The following ADAMTS2 variants were observed in gnomAD, a reference collection of about 807,000 sequenced individuals.
ADAMTS2 encodes A disintegrin and metalloproteinase with thrombospondin motifs 2.
Under a neutral mutation model 123.0 loss-of-function variants are expected in ADAMTS2, and 50 were observed. That is an observed-to-expected ratio of 0.41 (90% CI 0.32 to 0.51). The LOEUF is 0.51. Among genes scored for constraint, ADAMTS2 ranks in the 20% least tolerant of loss-of-function variants. The pLI is 0.35. For missense variants in ADAMTS2, 1,494 were observed against 1,705.2 expected (o/e 0.88, Z 2.18); for synonymous variants, 678 against 695.4 (o/e 0.98, Z 0.39).
At chr5:179,153,955 A>T in intron 8 of ADAMTS2, 94 bp downstream of exon 8, 5 of 1,497,034 alleles carry the variant, frequency 3.3e-6, no homozygotes, top group Non-Finnish European at 4.5e-6. Context: ...CTGAGGTCGG[A>T]GGGCTCTGGC....
chr5:179,238,910 T>G (rs1053780815), intron 3 of ADAMTS2, among the ~76,000 whole-genome samples: 1 of 151,794 alleles, frequency 6.6e-6, no homozygotes, highest in African/African-American at 2.4e-5. Flanking sequence ...GGATTCCTCT[T>G]ACAGGAAATG....
At chr5:179,304,633 G>A (rs557500371) in intron 2 of ADAMTS2, among the ~76,000 whole-genome samples, 1 of 152,178 alleles carries the variant, frequency 6.6e-6, no homozygotes, top group Non-Finnish European at 1.5e-5. Context: ...CTTGAGGATA[G>A]AGCAATAGAA....
chr5:179,279,324 C>A (rs1468916778), intron 2 of ADAMTS2, among the ~76,000 whole-genome samples: 4 of 149,074 alleles, frequency 2.7e-5, no homozygotes, highest in African/African-American at 5.2e-5. Flanking sequence ...CTCAAACTCA[C>A]CTCCCTCCGA....
chr5:179,289,498 A>C (rs1350187286), intron 2 of ADAMTS2, among the ~76,000 whole-genome samples: 1 of 152,226 alleles, frequency 6.6e-6, no homozygotes, highest in African/African-American at 2.4e-5. Flanking sequence ...TTATCCGTGG[A>C]GGCTACAATT....
intron 12 of ADAMTS2, among the ~76,000 whole-genome samples, chr5:179,136,625 A>C (rs1763070883): frequency 6.8e-6 from 1 of 146,172 alleles, no homozygotes; most frequent in Admixed American, 7.0e-5. Context: ...AGACTGCGCC[A>C]CTGCACACTG....
intron 4 of ADAMTS2, 38 bp downstream of exon 4, chr5:179,207,475 T>TGGCCCCCC: frequency 3.4e-6 from 2 of 588,616 alleles, no homozygotes; most frequent in Non-Finnish European, 6.4e-6. Flanking sequence ...TGGTTGACCC[T>TGGCCCCCC]CCCCGCCCCA....
In ADAMTS2 at chr5:179,343,758, C is replaced by G. The variant is rs2271213; in HGVS notation, c.534+9G>C. On this transcript the variant is annotated intron_variant, in intron 2 of 21. Transcript: ENST00000251582. ...CGGAGAGAAAGGAGCTAGAGAAGTG[C>G]GTACTCACCAGCCCATCGCAGTTGC... The G allele has an allele frequency of 0.37, 597,162 of 1,607,382 alleles. 114,676 individuals are homozygous for G. The highest frequency in any genetic ancestry group is 0.51 in the South Asian group (46,365 of 90,652).
chr5:179,214,362 C>T (rs1464313278), intron 3 of ADAMTS2, among the ~76,000 whole-genome samples: 1 of 152,208 alleles, frequency 6.6e-6, no homozygotes, highest in African/African-American at 2.4e-5. Context: ...TTAAAAGCAC[C>T]ATTCTAATAG....
intron 4 of ADAMTS2, among the ~76,000 whole-genome samples, chr5:179,195,683 A>G (rs2113347771): frequency 6.6e-6 from 1 of 152,338 alleles, no homozygotes; most frequent in East Asian, 1.9e-4. Flanking sequence ...GGCTACTGTG[A>G]GCACGTGAGG....
At position 179,113,306 on chromosome 5, in the gene ADAMTS2, G is replaced by C; in HGVS notation, c.*561C>G. ...AACCAAGTCAGCTCCAGGTGGGTGT[G>C]GCTGTCAGGGCGGCCATGGTCCCCA... is the stretch of plus-strand genomic sequence containing the variant. On this transcript the variant is annotated 3_prime_UTR_variant, in exon 22 of 22. Transcript: ENST00000251582. The C allele has an allele frequency of 6.1e-6, 1 of 164,952 alleles. No individual in the cohort carries two copies. The highest frequency in any genetic ancestry group is 1.6e-4 in the South Asian group (1 of 6,360). 10.2% of individuals were successfully genotyped at this position (164,952 alleles called of 1,614,324 possible). A position where few individuals can be genotyped will look rare whatever the true frequency, so the allele number is the denominator to read the frequency against.
chr5:179,125,929 C>T lies in ADAMTS2; in HGVS notation c.2750+69G>A, dbSNP rs1581139204. On this transcript the variant is annotated intron_variant, in intron 18 of 21. Transcript: ENST00000251582. ...ATGCCAGGCCCAGGCCCCACACCTC[C>T]AAGCACGGGAGCCCCTGGTGGCCCC... is the stretch of plus-strand genomic sequence containing the variant. The T allele has an allele frequency of 3.7e-6, 6 of 1,603,890 alleles. No individual in the cohort carries two copies. In the East Asian group the frequency reaches 1.3e-4, roughly 36 times the overall value.
intron 3 of ADAMTS2, among the ~76,000 whole-genome samples, chr5:179,212,650 G>C (rs1221692784): frequency 7.4e-6 from 1 of 134,812 alleles, no homozygotes; most frequent in Admixed American, 7.4e-5. Context: ...GGGCAGGTGT[G>C]GGCCCTGAGG....
chr5:179,151,535 G>C (rs1221566922), intron 10 of ADAMTS2, among the ~76,000 whole-genome samples: 1 of 152,184 alleles, frequency 6.6e-6, no homozygotes, highest in Non-Finnish European at 1.5e-5. Flanking sequence ...TGGGGATCCA[G>C]GCTTAGCTCA....
At chr5:179,216,215 G>A (rs1452382425) in intron 3 of ADAMTS2, among the ~76,000 whole-genome samples, 1 of 152,214 alleles carries the variant, frequency 6.6e-6, no homozygotes, top group Non-Finnish European at 1.5e-5. Flanking sequence ...TGTGGAGAGC[G>A]ACTGAGCCAT....
intron 2 of ADAMTS2, among the ~76,000 whole-genome samples, chr5:179,328,696 G>A (rs1185825783): frequency 1.3e-5 from 2 of 152,152 alleles, no homozygotes; most frequent in Non-Finnish European, 2.9e-5. Flanking sequence ...ATCACCTACT[G>A]TATTATAAAT....
chr5:179,219,229 C>A (rs533958413), intron 3 of ADAMTS2, among the ~76,000 whole-genome samples: 1 of 152,168 alleles, frequency 6.6e-6, no homozygotes, highest in African/African-American at 2.4e-5. Context: ...GCAGCAGAGG[C>A]GAGAGATGAG....
intron 2 of ADAMTS2, among the ~76,000 whole-genome samples, chr5:179,335,268 G>A (rs892665606): frequency 6.6e-6 from 1 of 151,940 alleles, no homozygotes; most frequent in Non-Finnish European, 1.5e-5. Context: ...ATTTAACCCA[G>A]TATGCCCAAA....
intron 5 of ADAMTS2, among the ~76,000 whole-genome samples, chr5:179,164,582 G>A (rs1342473175): frequency 3.3e-5 from 5 of 152,324 alleles, no homozygotes; most frequent in African/African-American, 7.2e-5. Flanking sequence ...GAGGAAGAGC[G>A]TGGGGTCCGC....
chr5:179,302,836 C>T (rs1410705391), intron 2 of ADAMTS2, among the ~76,000 whole-genome samples: 2 of 151,496 alleles, frequency 1.3e-5, no homozygotes, highest in African/African-American at 4.9e-5. Context: ...CAGAGAACAG[C>T]ACATGCAGAG....
Sources: gnomAD v4.1 joint callset for allele counts (sites outside exome capture counted in the v4.1 genomes callset) on GRCh38, gnomAD v4.1.1 for gene constraint, MANE v1.5 for transcripts, NCBI Gene and HGNC (gene_info 2026-07-23, HGNC 2026-07-21) for gene names.